CACNA2D4: variants seen among roughly 807,000 people sequenced by gnomAD.
CACNA2D4 encodes calcium voltage-gated channel auxiliary subunit alpha2delta 4, also known as voltage-dependent calcium channel subunit alpha-2/delta-4.
In CACNA2D4, 157 loss-of-function variants were observed where a neutral mutation model predicts 163.8. The ratio of observed to expected loss-of-function variants is 0.96; its 90% CI spans 0.84 to 1.09. The LOEUF (loss-of-function observed/expected upper bound fraction) is 1.09, where lower values mean the gene tolerates loss of function less well. CACNA2D4 is among the 50% of genes least tolerant of loss of function. CACNA2D4 has a pLI of 0.00. For missense variants in CACNA2D4, 1,410 were observed against 1,479.9 expected, an observed-to-expected ratio of 0.95 and a Z score of 0.78; for synonymous variants, 598 against 586.9, an observed-to-expected ratio of 1.02 and a Z score of -0.27.
At chr12:1,796,853 G>GGCCTCCCT (rs1863143834) in intron 35 of CACNA2D4, among the ~76,000 whole-genome samples, 1 of 152,206 alleles carries the variant, frequency 6.6e-6, no homozygotes, top group Non-Finnish European at 1.5e-5. Context: ...CCTTCCGCGC[G>GGCCTCCCT]GCCTCCCTGC....
At chr12:1,901,695 AT>A (rs1329290379) in intron 6 of CACNA2D4, among the ~76,000 whole-genome samples, 2 of 152,196 alleles carry the variant, frequency 1.3e-5, no homozygotes, top group Non-Finnish European at 2.9e-5. Context: ...TGAAGTCATT[AT>A]AAAAAGTCTC....
At chr12:1,796,306 C>G (rs1291688388) in intron 35 of CACNA2D4, among the ~76,000 whole-genome samples, 1 of 152,204 alleles carries the variant, frequency 6.6e-6, no homozygotes. Context: ...GGCCGCCTAC[C>G]GAGCGCCTCC....
chr12:1,908,941 T>G (rs557360627), intron 4 of CACNA2D4, among the ~76,000 whole-genome samples: 1 of 151,762 alleles, frequency 6.6e-6, no homozygotes, highest in East Asian at 2.0e-4. Context: ...CACACCCGGC[T>G]CCTCCTCACG....
At chr12:1,839,864 G>A (rs963112496) in intron 26 of CACNA2D4, among the ~76,000 whole-genome samples, 1 of 152,148 alleles carries the variant, frequency 6.6e-6, no homozygotes, top group African/African-American at 2.4e-5. Context: ...CACCTTTTGG[G>A]GGAAAAGACA....
intron 2 of CACNA2D4, among the ~76,000 whole-genome samples, chr12:1,914,271 A>T (rs1364068880): frequency 6.6e-6 from 1 of 152,206 alleles, no homozygotes; most frequent in Non-Finnish European, 1.5e-5. Flanking sequence ...TGCCATTGGA[A>T]CTGCTCTGGG....
At chr12:1,864,098 C>T (rs1458628216) in intron 18 of CACNA2D4, among the ~76,000 whole-genome samples, 1 of 152,168 alleles carries the variant, frequency 6.6e-6, no homozygotes, top group African/African-American at 2.4e-5. Context: ...CGGCCAGGCC[C>T]GTTTATCTTT....
intron 22 of CACNA2D4, among the ~76,000 whole-genome samples, chr12:1,854,871 T>C (rs897658170): frequency 6.6e-6 from 1 of 152,246 alleles, no homozygotes; most frequent in Admixed American, 6.5e-5. Context: ...AAAATTCACA[T>C]AAAATGAAAC....
chr12:1,832,319 C>G (rs972751552), intron 26 of CACNA2D4, among the ~76,000 whole-genome samples: 4 of 152,196 alleles, frequency 2.6e-5, no homozygotes, highest in Non-Finnish European at 5.9e-5. Flanking sequence ...GAAACAATAT[C>G]TATTTCGTAG....
At chr12:1,868,853 CATT>C (rs1363044696) in intron 18 of CACNA2D4, among the ~76,000 whole-genome samples, 1 of 152,132 alleles carries the variant, frequency 6.6e-6, no homozygotes, top group Non-Finnish European at 1.5e-5. Context: ...CTTTTTCTGT[CATT>C]ATCCCTTAAA....
At position 1,802,015 on chromosome 12, in the gene CACNA2D4, CTGTGTGTGTGTGTGTGTGTGTG is replaced by C. The variant is rs60739615; in HGVS notation, c.2722-393_2722-372del. ...TATGAAACTGGATTTGTTTTATATGCTGTGTGTGTGTGTGTGTGTGTGTGTGTGTGTGTGTGTGTGTGTGTTG... is the reference window on the plus strand; with the variant it reads ...TATGAAACTGGATTTGTTTTATATGCTGTGTGTGTGTGTGTGTGTGTGTTG... On this transcript the variant is annotated intron_variant, in intron 29 of 37. Transcript: ENST00000382722. This position sits in a 1 kb window ranked among gnomAD's most constrained non-coding sequence, Gnocchi z 4.7. Among the ~76,000 whole-genome samples, 18 of 144,272 alleles carry C rather than the reference CTGTGTGTGTGTGTGTGTGTGTG, an allele frequency of 1.2e-4. No homozygotes were observed. Among genetic ancestry groups the C allele is most frequent in the African/African-American group, 2.6e-4 (10 of 38,794 alleles). The allele number at this position is 144,272 out of a possible 152,430, so 94.6% of individuals were successfully genotyped here. A position where few individuals can be genotyped will look rare whatever the true frequency, so the allele number is the denominator to read the frequency against.
chr12:1,808,256 T>C (rs1415304355), intron 29 of CACNA2D4, among the ~76,000 whole-genome samples: 1 of 152,190 alleles, frequency 6.6e-6, no homozygotes, highest in East Asian at 1.9e-4. Context: ...CCGCTGCCTC[T>C]GGAGCAGGGG....
chr12:1,854,330 C>T (rs549550659), intron 22 of CACNA2D4, among the ~76,000 whole-genome samples: 3 of 152,270 alleles, frequency 2.0e-5, no homozygotes, highest in East Asian at 3.9e-4. Context: ...TCTTCCCAGT[C>T]TCCCCCATCT....
At chr12:1,811,803 G>A (rs1592662795) in intron 26 of CACNA2D4, 80 bp from the exon 27 acceptor site, 4 of 1,377,318 alleles carry the variant, frequency 2.9e-6, no homozygotes, top group East Asian at 5.0e-5. Context: ...AAGAGAGGAG[G>A]TGCTTCCGCA....
chr12:1,823,224 AG>A (rs369397270), intron 26 of CACNA2D4: 1 of 152,474 alleles, frequency 6.6e-6, no homozygotes, highest in Non-Finnish European at 1.5e-5. Flanking sequence ...CTTGATGTGG[AG>A]GGATAGACAT....
At chr12:1,912,925 G>C (rs577542967) in intron 3 of CACNA2D4, 98 bp downstream of exon 3, 16 of 718,122 alleles carry the variant, frequency 2.2e-5, no homozygotes, top group East Asian at 5.3e-5. Flanking sequence ...AGGGTCACGA[G>C]GGGGGAGGAT....
intron 26 of CACNA2D4, among the ~76,000 whole-genome samples, chr12:1,838,290 G>T (rs1050435849): frequency 6.6e-6 from 1 of 152,296 alleles, no homozygotes; most frequent in Non-Finnish European, 1.5e-5. Context: ...GCTGGGCTGA[G>T]TGCCCGTCTC....
At position 1,818,056 on chromosome 12, in the gene CACNA2D4, C is replaced by T. The variant is rs1383459353; in HGVS notation, c.2552-6333G>A. Among the ~76,000 whole-genome samples, 15 of 150,980 alleles carry T rather than the reference C, an allele frequency of 9.9e-5. No individual in the cohort carries two copies. The South Asian group carries it at 2.1e-3, about 21-fold the overall frequency. On this transcript the variant is annotated intron_variant, in intron 26 of 37. Coordinates refer to ENST00000382722, the MANE Select transcript of CACNA2D4 (RefSeq NM_172364.5). ...GAAGTGAGGAGCGTCTCTGCCCGGC[C>T]GCCCATCGTCTGAGATGTGGGGAGC...
intron 37 of CACNA2D4, 64 bp downstream of exon 37, chr12:1,795,235 G>A (rs1056915900): frequency 1.4e-6 from 2 of 1,465,244 alleles, no homozygotes; most frequent in African/African-American, 2.8e-5. Flanking sequence ...CAGGGGCACA[G>A]ACCCAGGCAC....
chr12:1,796,282 C>A (rs978880005), intron 35 of CACNA2D4, among the ~76,000 whole-genome samples: 22 of 152,350 alleles, frequency 1.4e-4, no homozygotes, highest in African/African-American at 5.3e-4. Flanking sequence ...CACGGCCTTC[C>A]CAGCAGTCCC....
Sources: gnomAD v4.1 joint callset for allele counts (sites outside exome capture counted in the v4.1 genomes callset) on GRCh38, gnomAD v4.1.1 for gene constraint, Gnocchi (gnomAD v3.1) non-coding constraint, MANE v1.5 for transcripts, NCBI Gene and HGNC (gene_info 2026-07-23, HGNC 2026-07-21) for gene names.